ATF7IP: variants seen among roughly 807,000 people sequenced by gnomAD.
ATF7IP encodes the protein activating transcription factor 7-interacting protein 1.
ATF7IP carries 23 observed loss-of-function variants against 106.4 expected under a neutral mutation model. The ratio of observed to expected loss-of-function variants is 0.22; its 90% CI spans 0.16 to 0.31. The LOEUF is 0.31. Among genes scored for constraint, ATF7IP ranks in the 10% least tolerant of loss-of-function variants. ATF7IP has a pLI of 1.00. For synonymous variants in ATF7IP, 542 were observed against 539.0 expected (o/e 1.01, Z -0.08); for missense variants, 1,334 against 1,524.3 (o/e 0.88, Z 2.08).
chr12:14,479,175 G>T (rs1944353531), intron 12 of ATF7IP, among the ~76,000 whole-genome samples: 1 of 152,156 alleles, frequency 6.6e-6, no homozygotes, highest in Non-Finnish European at 1.5e-5. Context: ...TCTGTAAATG[G>T]CAGAAATGAC....
At chr12:14,399,080 T>A (rs1940037051) in intron 1 of ATF7IP, among the ~76,000 whole-genome samples, 1 of 152,170 alleles carries the variant, frequency 6.6e-6, no homozygotes, top group South Asian at 2.1e-4. Context: ...AGATGATTGA[T>A]CCTCAGTTAT....
chr12:14,456,722 G>T, intron 7 of ATF7IP, 88 bp downstream of exon 7: 1 of 934,412 alleles, frequency 1.1e-6, no homozygotes, highest in Non-Finnish European at 1.7e-6. Context: ...GTGTAATCAT[G>T]GTATTTATGT....
At chr12:14,402,605 C>T (rs1409119019) in intron 1 of ATF7IP, among the ~76,000 whole-genome samples, 3 of 104,228 alleles carry the variant, frequency 2.9e-5, no homozygotes, top group Non-Finnish European at 5.4e-5. Flanking sequence ...TCTTGCCATT[C>T]TGATTTTTTT....
intron 1 of ATF7IP, among the ~76,000 whole-genome samples, chr12:14,366,108 C>T (rs957370385): frequency 6.6e-6 from 1 of 152,328 alleles, no homozygotes; most frequent in African/African-American, 2.4e-5. Context: ...TAATTTTCCT[C>T]GTTCTTGAGG....
intron 9 of ATF7IP, among the ~76,000 whole-genome samples, chr12:14,464,209 G>A (rs527290343): frequency 6.6e-6 from 1 of 151,912 alleles, no homozygotes; most frequent in Non-Finnish European, 1.5e-5. Context: ...CTACCCAGGA[G>A]GCCGAAGCAG....
At chr12:14,486,657 A>G (rs756577594) in intron 13 of ATF7IP, among the ~76,000 whole-genome samples, 2 of 152,190 alleles carry the variant, frequency 1.3e-5, no homozygotes, top group African/African-American at 4.8e-5. Flanking sequence ...TAATTATCCA[A>G]TGCTAGAGCT....
intron 1 of ATF7IP, chr12:14,420,148 T>C (rs1207830496): frequency 6.6e-6 from 1 of 152,156 alleles, no homozygotes; most frequent in Non-Finnish European, 1.5e-5. Context: ...AGTAAGAGGA[T>C]GTTAGAAAAA....
chr12:14,452,260 G>A (rs1249029096), intron 6 of ATF7IP, among the ~76,000 whole-genome samples: 1 of 152,118 alleles, frequency 6.6e-6, no homozygotes, highest in Non-Finnish European at 1.5e-5. Context: ...CCTCTTGTAG[G>A]CACCATATAG....
chr12:14,490,702 G>A (rs1172399474), intron 13 of ATF7IP, among the ~76,000 whole-genome samples: 2 of 152,182 alleles, frequency 1.3e-5, no homozygotes, highest in East Asian at 3.9e-4. Flanking sequence ...GGCCATTGGT[G>A]CAGGCTGGGG....
At chr12:14,492,472 A>G (rs1039303964) in intron 13 of ATF7IP, among the ~76,000 whole-genome samples, 3 of 152,026 alleles carry the variant, frequency 2.0e-5, no homozygotes, top group African/African-American at 7.2e-5. Context: ...CCTCCCCTTC[A>G]TTCAAGGGGT....
chr12:14,455,212 A>G (rs1300438327), intron 6 of ATF7IP, among the ~76,000 whole-genome samples: 5 of 151,944 alleles, frequency 3.3e-5, no homozygotes, highest in Admixed American at 1.3e-4. Flanking sequence ...TTACTCAACA[A>G]TGTGCTTAAA....
intron 1 of ATF7IP, among the ~76,000 whole-genome samples, chr12:14,378,403 T>C (rs543809626): frequency 6.6e-6 from 1 of 152,296 alleles, no homozygotes; most frequent in East Asian, 1.9e-4. Context: ...CGGCCCTATA[T>C]TCAGTATTTT....
chr12:14,438,262 C>A lies in ATF7IP; in HGVS notation c.1924C>A (p.Leu642Ile), dbSNP rs1487538284. 1.2e-6 allele frequency: 2 copies of A among 1,611,788 alleles called. No homozygotes were observed. The highest frequency in any genetic ancestry group is 2.2e-5 in the South Asian group (2 of 90,884). ...NKRHKTVLTELQAKIARLTKR... is the reference protein window; with the variant it reads ...NKRHKTVLTEIQAKIARLTKR... ...GAGGCATAAAACAGTTCTCACTGAACTACAGGTTTGTACATTGACTTGAGT... is the reference window on the plus strand; with the variant it reads ...GAGGCATAAAACAGTTCTCACTGAAATACAGGTTTGTACATTGACTTGAGT... Residue 642 changes from leucine (L) to isoleucine (I), a missense_variant, in exon 5 of 15, where the codon CTA becomes ATA. Around this residue, in one of 10 missense-constraint regions of ATF7IP, gnomAD observed 171 missense variants for 172.6 expected, o/e 0.99. Coordinates refer to ENST00000261168, the MANE Select transcript of ATF7IP (RefSeq NM_018179.5).
At chr12:14,457,363 C>A (rs1331727296) in intron 8 of ATF7IP, 68 bp downstream of exon 8, 2 of 1,185,772 alleles carry the variant, frequency 1.7e-6, no homozygotes, top group South Asian at 1.4e-5. Context: ...TCTTTTCTTA[C>A]ATTCTTTTGA....
At chr12:14,425,989 TAA>T (rs1040112478) in intron 2 of ATF7IP, among the ~76,000 whole-genome samples, 1 of 152,212 alleles carries the variant, frequency 6.6e-6, no homozygotes, top group African/African-American at 2.4e-5. Flanking sequence ...ATCCATTTGA[TAA>T]AGACTTTACC....
At chr12:14,397,035 G>T (rs768660837) in intron 1 of ATF7IP, among the ~76,000 whole-genome samples, 3 of 152,146 alleles carry the variant, frequency 2.0e-5, no homozygotes, top group Non-Finnish European at 4.4e-5. Context: ...GGTGGCGCAC[G>T]CCTGTCATTC....
At chr12:14,373,876 A>C (rs1048042838) in intron 1 of ATF7IP, among the ~76,000 whole-genome samples, 6 of 151,988 alleles carry the variant, frequency 3.9e-5, no homozygotes, top group Non-Finnish European at 7.4e-5. Flanking sequence ...GCCGTTGAAA[A>C]CATTATGATT....
chr12:14,422,076 C>T (rs185008486), intron 1 of ATF7IP, among the ~76,000 whole-genome samples: 31 of 151,978 alleles, frequency 2.0e-4, no homozygotes, highest in African/African-American at 7.5e-4. Context: ...TATATGCACA[C>T]ATTACAAAAG....
chr12:14,409,988 A>C (rs1940817782), intron 1 of ATF7IP, among the ~76,000 whole-genome samples: 1 of 152,130 alleles, frequency 6.6e-6, no homozygotes, highest in Non-Finnish European at 1.5e-5. Context: ...GGTTTTCAGC[A>C]TATTCACAGT....
Sources: allele counts gnomAD v4.1 joint callset (sites outside exome capture counted in the v4.1 genomes callset), GRCh38; gene constraint gnomAD v4.1.1; regional missense constraint gnomAD v4.1.1; transcripts MANE v1.5; gene names NCBI Gene and HGNC (gene_info 2026-07-23, HGNC 2026-07-21).